SRCAP: variants seen among roughly 807,000 people sequenced by gnomAD.
SRCAP encodes chromatin remodeling protein SRCAP.
SRCAP carries 46 observed loss-of-function variants against 263.1 expected under a neutral mutation model. The observed-to-expected ratio is 0.17, with a 90% CI of 0.14 to 0.22. The LOEUF is 0.22. Among genes scored for constraint, SRCAP ranks in the 10% least tolerant of loss-of-function variants. The probability of loss-of-function intolerance (pLI) is 1.00; values close to 1 mark genes in which losing one functional copy is unlikely to be tolerated. For synonymous variants in SRCAP, 1,813 were observed against 1,662.1 expected (o/e 1.09, Z -2.21); for missense variants, 3,695 against 4,181.9 (o/e 0.88, Z 3.21).
intron 18 of SRCAP, among the ~76,000 whole-genome samples, chr16:30,716,886 T>G (rs1183943864): frequency 6.6e-6 from 1 of 152,240 alleles, no homozygotes; most frequent in Admixed American, 6.5e-5. Context: ...GCACTTGGAT[T>G]CTTTCCACCT....
At chr16:30,726,309 A>G (rs1313890414) in intron 25 of SRCAP, 2 of 152,232 alleles carry the variant, frequency 1.3e-5, no homozygotes, top group Admixed American at 6.5e-5. Flanking sequence ...GTTATGAACA[A>G]TGCTGCTGTG....
chr16:30,723,484 T>C, intron 24 of SRCAP, 100 bp from the exon 25 acceptor site: 2 of 1,513,068 alleles, frequency 1.3e-6, no homozygotes, highest in Non-Finnish European at 1.8e-6. Context: ...GTGAATGCCT[T>C]CTGGGAAATG....
At chr16:30,720,677 T>G in intron 19 of SRCAP, 36 bp from the exon 20 acceptor site, 1 of 1,548,998 alleles carries the variant, frequency 6.5e-7, no homozygotes, top group Non-Finnish European at 8.7e-7. Context: ...TTATTCTCCT[T>G]CTGTCCCTAC....
At chr16:30,709,417 C>T (rs937653172) in intron 6 of SRCAP, 96 bp from the exon 7 acceptor site, 62 of 1,339,538 alleles carry the variant, frequency 4.6e-5, no homozygotes, top group Non-Finnish European at 5.8e-5. Context: ...GAGGCCAGCC[C>T]AGGATCTGGT....
chr16:30,729,176 C>G lies in SRCAP; in HGVS notation c.5869C>G (p.Arg1957Gly). 3 of 1,613,796 alleles carry G rather than the reference C, an allele frequency of 1.9e-6. No homozygotes were observed. Among genetic ancestry groups the G allele is most frequent in the Non-Finnish European group, 2.5e-6 (3 of 1,179,734 alleles). The change falls in exon 26 of 34, where the codon CGG becomes GGG. Residue 1957 changes from arginine (R) to glycine (G), a missense_variant. By Grantham distance (125) the Arg-to-Gly change is moderately radical (BLOSUM62 -2). This residue lies in a region of SRCAP where 1,347 missense variants were observed against 1,304.4 expected (regional missense o/e 1.03). Coordinates refer to ENST00000262518, the MANE Select transcript of SRCAP (RefSeq NM_006662.3). ...TTGGACTTATACCGAGGCTGCCCACCGGGCTGTACTGTTTCCCCAGCAGCG... is the reference window on the plus strand; with the variant it reads ...TTGGACTTATACCGAGGCTGCCCACGGGGCTGTACTGTTTCCCCAGCAGCG... ...TFWTYTEAAH[R>G]AVLFPQQRLD...
intron 25 of SRCAP, among the ~76,000 whole-genome samples, chr16:30,726,916 G>A (rs2053069978): frequency 6.6e-6 from 1 of 152,146 alleles, no homozygotes; most frequent in Non-Finnish European, 1.5e-5. Context: ...TGGCCGGGCT[G>A]GTCTCGAACT....
Position 30,711,216 on chromosome 16 carries a change from G to A in SRCAP, c.1318+128G>A, listed in dbSNP as rs1031197649. On this transcript the variant is annotated intron_variant, in intron 10 of 33. Coordinates refer to ENST00000262518, the MANE Select transcript of SRCAP (RefSeq NM_006662.3). ...AATTCCATGTCTAATGACTAAGACA[G>A]ACTTGTAAACCAGTAATGATAAGTA... 4.1e-5 allele frequency: 30 copies of A among 728,006 alleles called. No homozygotes were observed. In the East Asian group the frequency reaches 8.1e-4, roughly 20 times the overall value. The allele number at this position is 728,006 out of a possible 1,614,324, so 45.1% of individuals were successfully genotyped here. A position where few individuals can be genotyped will look rare whatever the true frequency, so the allele number is the denominator to read the frequency against.
chr16:30,733,821 C>T lies in SRCAP; in HGVS notation c.6494+23C>T, dbSNP rs2053134780. 6.2e-7 allele frequency: 1 copy of T among 1,611,634 alleles called. No individual in the cohort carries two copies. The highest frequency in any genetic ancestry group is 8.5e-7 in the Non-Finnish European group (1 of 1,178,274). On this transcript the variant is annotated intron_variant, in intron 29 of 33. Transcript: ENST00000262518. The surrounding 1 kb of genome is among the most constrained non-coding windows in gnomAD (Gnocchi z 5.3). The stretch of plus-strand genomic sequence containing the variant: ...TAGGTATTGCCTAGTCTTCCCTCAC[C>T]TTACTTTCCGTTTACTGATGGGGTT...
rs1361747542 is a variant in SRCAP at position 30,710,903 on chromosome 16, A to G, written c.1228+56A>G. 5.0e-6 allele frequency: 8 copies of G among 1,603,972 alleles called. No homozygotes were observed. In the African/African-American group the frequency reaches 5.4e-5, roughly 11 times the overall value. On this transcript the variant is annotated intron_variant, in intron 9 of 33. Transcript: ENST00000262518. ...CTTACCCCTTGAATGAATTGTCTGG[A>G]CCTAACCTTTCAGGCTTTCTCATCT...
chr16:30,718,039 T>G (rs906729552), intron 18 of SRCAP, among the ~76,000 whole-genome samples: 2 of 151,976 alleles, frequency 1.3e-5, no homozygotes, highest in African/African-American at 2.4e-5. Context: ...CTGATTTTTT[T>G]ATTTTAATTT....
chr16:30,709,713 T>G lies in SRCAP; in HGVS notation c.834T>G (p.Pro278=), dbSNP rs982389730. The change falls in exon 7 of 34, where the codon CCT becomes CCG. Residue 278 remains proline, a synonymous_variant. Coordinates refer to ENST00000262518, the MANE Select transcript of SRCAP (RefSeq NM_006662.3). ...SSSAASSPPP[P]ASRLDDEDGD... ...CAGCTGCCTCCAGTCCTCCACCCCC[T>G]GCTTCTCGCCTGGATGATGAAGGTG... 8 of 1,614,162 alleles carry G rather than the reference T, an allele frequency of 5.0e-6. No individual in the cohort carries two copies. Among genetic ancestry groups the G allele is most frequent in the Non-Finnish European group, 4.2e-6 (5 of 1,180,028 alleles).
chr16:30,715,587 AG>A (rs1179004277), intron 16 of SRCAP, among the ~76,000 whole-genome samples: 1 of 151,452 alleles, frequency 6.6e-6, no homozygotes, highest in African/African-American at 2.4e-5. Context: ...AAAAGAAAAC[AG>A]GAAGTCTTCC....
chr16:30,703,912 A>G, intron 3 of SRCAP, 152 bp from the exon 4 acceptor site: 2 of 988,116 alleles, frequency 2.0e-6, no homozygotes, highest in Non-Finnish European at 2.9e-6. Context: ...AATAAAATAA[A>G]AACTTTATCC....
rs999574336 is a variant in SRCAP, at chr16:30,735,789, C to T, written c.6730-411C>T. Among the ~76,000 whole-genome samples the T allele has an allele frequency of 4.6e-5, 7 of 151,918 alleles. 1 individual carries two copies. The highest frequency in any genetic ancestry group is 1.7e-4 in the African/African-American group (7 of 41,478). On this transcript the variant is annotated intron_variant, in intron 31 of 33. Transcript: ENST00000262518. ...AGAGATGGGGTTTCACCATGTTGGT[C>T]AGGCTGGTCTCGAACTCCTGACCTC...
chr16:30,734,942 G>A (rs1373608805), intron 31 of SRCAP, among the ~76,000 whole-genome samples: 1 of 152,130 alleles, frequency 6.6e-6, no homozygotes. Flanking sequence ...GCTCATGCCT[G>A]TAATCCCAGC....
chr16:30,730,043 A>AGGCATG (rs2053098966), intron 27 of SRCAP, among the ~76,000 whole-genome samples: 1 of 152,250 alleles, frequency 6.6e-6, no homozygotes, highest in African/African-American at 2.4e-5. Flanking sequence ...CTGGGATCAC[A>AGGCATG]GGCATGAGCC....
Position 30,709,722 on chromosome 16 carries a change from C to T in SRCAP, c.843C>T (p.Arg281=), listed in dbSNP as rs139542422. 83 of 1,614,074 alleles carry T rather than the reference C, an allele frequency of 5.1e-5. No individual in the cohort carries two copies. Among genetic ancestry groups the T allele is most frequent in the Non-Finnish European group, 6.9e-5 (81 of 1,180,040 alleles). Residue 281 remains arginine (R), a synonymous_variant, in exon 7 of 34, where the codon CGC becomes CGT. Coordinates refer to ENST00000262518, the MANE Select transcript of SRCAP (RefSeq NM_006662.3). ...CCAGTCCTCCACCCCCTGCTTCTCGCCTGGATGATGAAGGTGTGTGTTCTC... is the reference window on the plus strand; with the variant it reads ...CCAGTCCTCCACCCCCTGCTTCTCGTCTGGATGATGAAGGTGTGTGTTCTC... The part of the protein sequence containing the change: ...AASSPPPPAS[R]LDDEDGDFQP...
chr16:30,705,583 G>A (rs879395820), intron 4 of SRCAP, among the ~76,000 whole-genome samples: 11 of 151,900 alleles, frequency 7.2e-5, no homozygotes, highest in African/African-American at 1.4e-4. Flanking sequence ...TGTATTTTTA[G>A]TAGAGATGGG....
chr16:30,711,140 C>A, intron 10 of SRCAP, 52 bp downstream of exon 10: 1 of 1,409,428 alleles, frequency 7.1e-7, no homozygotes, highest in Non-Finnish European at 9.9e-7. Context: ...CTGCGGTGTG[C>A]AGTACCAAGG....
Sources: gnomAD v4.1 joint callset for allele counts (sites outside exome capture counted in the v4.1 genomes callset) on GRCh38, gnomAD v4.1.1 for gene constraint, gnomAD v4.1.1 regional missense constraint, Gnocchi (gnomAD v3.1) non-coding constraint, MANE v1.5 for transcripts, NCBI Gene and HGNC (gene_info 2026-07-23, HGNC 2026-07-21) for gene names.